TFPT: variants seen among roughly 807,000 people sequenced by gnomAD.
The protein encoded by TFPT is TCF3 fusion partner.
In TFPT, 27 loss-of-function variants were observed where a neutral mutation model predicts 28.8. The ratio of observed to expected loss-of-function variants is 0.94; its 90% CI spans 0.69 to 1.29. The LOEUF is 1.29. Among genes scored for constraint, TFPT ranks in the 50% most tolerant of loss-of-function variants. The pLI is 0.00. For synonymous variants in TFPT, 152 were observed against 142.8 expected (o/e 1.06, Z -0.46); for missense variants, 330 against 338.0 (o/e 0.98, Z 0.19).
chr19:54,113,999 T>TTC (rs2073534239), intron 2 of TFPT, among the ~76,000 whole-genome samples: 1 of 152,208 alleles, frequency 6.6e-6, no homozygotes, highest in Non-Finnish European at 1.5e-5. Context: ...CCCATCCTTA[T>TTC]TCTCAGCAAG....
chr19:54,110,201 C>T, intron 2 of TFPT, 80 bp from the exon 3 acceptor site: 2 of 1,480,580 alleles, frequency 1.4e-6, no homozygotes, highest in Non-Finnish European at 1.9e-6. Flanking sequence ...GGGGCACGCA[C>T]TAAACTCTGG....
chr19:54,108,413 C>G lies in TFPT; in HGVS notation c.354-18G>C, dbSNP rs1356263911. On this transcript the variant is annotated intron_variant, in intron 3 of 5. Transcript: ENST00000391759. Reference sequence around the variant, plus strand: ...TGAGGAACCTGCTCAGGGGGAGAAGCCACCAACGGAATAACTTATCTCCTA... The same window carrying G: ...TGAGGAACCTGCTCAGGGGGAGAAGGCACCAACGGAATAACTTATCTCCTA... 2 of 1,613,894 alleles carry G rather than the reference C, an allele frequency of 1.2e-6. No homozygotes were observed. Among genetic ancestry groups the G allele is most frequent in the South Asian group, 1.1e-5 (1 of 91,068 alleles).
At chr19:54,107,438 G>A (rs1305010848) in intron 5 of TFPT, 2 of 475,470 alleles carry the variant, frequency 4.2e-6, no homozygotes, top group African/African-American at 2.0e-5. Context: ...TGGTAGAGAT[G>A]GGGTCTCAGT....
chr19:54,114,698 G>T lies in TFPT; in HGVS notation c.26C>A (p.Thr9Asn). 6.2e-7 allele frequency: 1 copy of T among 1,611,678 alleles called. No individual in the cohort carries two copies. MELEQREGTMAAVGFEEFS... is the reference protein window; with the variant it reads MELEQREGNMAAVGFEEFS... ...CTCCTCAAAGCCCACGGCTGCCATG[G>T]TCCTGAGAGGCAGGGAAAGGCTCAG... The change falls in exon 2 of 6, where the codon ACC becomes AAC. Residue 9 changes from threonine (T) to asparagine (N), a missense_variant and splice_region_variant. Physicochemically the swap from Thr to Asn is moderately conservative, Grantham distance 65 (BLOSUM62 0). Transcript: ENST00000391759.
At chr19:54,107,822 C>G (rs587644545) in intron 5 of TFPT, among the ~76,000 whole-genome samples, 85 of 152,296 alleles carry the variant, frequency 5.6e-4, no homozygotes, top group Non-Finnish European at 1.1e-3. Flanking sequence ...CTGCCTGATC[C>G]TAGGCCTCCA....
At chr19:54,107,240 TG>T in intron 5 of TFPT, 71 bp from the exon 6 acceptor site, 1 of 1,570,910 alleles carries the variant, frequency 6.4e-7, no homozygotes. Flanking sequence ...TCACCATTTT[TG>T]TTTTCATTTT....
At chr19:54,115,217 G>A in intron 1 of TFPT, 30 bp downstream of exon 1, 1 of 1,614,022 alleles carries the variant, frequency 6.2e-7, no homozygotes. Flanking sequence ...TCTGGGATTC[G>A]CACTTTTTCA....
intron 5 of TFPT, 66 bp from the exon 6 acceptor site, chr19:54,107,235 A>T: frequency 6.4e-7 from 1 of 1,573,666 alleles, no homozygotes. Context: ...CAGCTTCACC[A>T]TTTTTGTTTT....
At chr19:54,108,984 T>C in intron 3 of TFPT, 1 of 178,914 alleles carries the variant, frequency 5.6e-6, no homozygotes. Context: ...AACCTCCACC[T>C]CCCTGGTACC....
At position 54,115,458 on chromosome 19, in the gene TFPT, G is replaced by A; in HGVS notation, c.-189C>T. On this transcript the variant is annotated 5_prime_UTR_variant, in exon 1 of 6. Transcript: ENST00000391759. Reference sequence around the variant, plus strand: ...TTCGGCCCACCCCCACGTCCACCCCGAATCCCTGCTTAAAGGCCTTGCTTT... The same window carrying A: ...TTCGGCCCACCCCCACGTCCACCCCAAATCCCTGCTTAAAGGCCTTGCTTT... 1 of 697,252 alleles carries A rather than the reference G, an allele frequency of 1.4e-6. No individual in the cohort carries two copies. Among genetic ancestry groups the A allele is most frequent in the Non-Finnish European group, 2.4e-6 (1 of 415,324 alleles). The allele number at this position is 697,252 out of a possible 1,614,324, so 43.2% of individuals were successfully genotyped here. A position where few individuals can be genotyped will look rare whatever the true frequency, so the allele number is the denominator to read the frequency against.
rs773133838 is a variant in TFPT at position 54,108,035 on chromosome 19, G to A, written c.633C>T (p.Ala211=). 20 of 1,519,208 alleles carry A rather than the reference G, an allele frequency of 1.3e-5. No homozygotes were observed. Among genetic ancestry groups the A allele is most frequent in the Non-Finnish European group, 1.7e-5 (19 of 1,134,574 alleles). The allele number at this position is 1,519,208 out of a possible 1,614,324, so 94.1% of individuals were successfully genotyped here. ...RAGNALTPEL[A]PVQIKVEEDF... is the part of the protein sequence containing the mutation. The stretch of plus-strand genomic sequence containing the variant: ...TTCCCGCCTTCCTCACCTGCACCGG[G>A]GCCAGCTCTGGAGTCAGCGCATTTC... The change falls in exon 5 of 6, where the codon GCC becomes GCT. Residue 211 remains alanine (A), a synonymous_variant. Coordinates refer to ENST00000391759, the MANE Select transcript of TFPT (RefSeq NM_013342.4).
At chr19:54,112,124 C>A (rs2073473124) in intron 2 of TFPT, among the ~76,000 whole-genome samples, 1 of 151,574 alleles carries the variant, frequency 6.6e-6, no homozygotes, top group South Asian at 2.1e-4. Context: ...AAAAAATTAG[C>A]TGGGCTTGGT....
At chr19:54,112,987 G>A (rs1568571978) in intron 2 of TFPT, among the ~76,000 whole-genome samples, 1 of 149,858 alleles carries the variant, frequency 6.7e-6, no homozygotes. Context: ...CAGCTACTAG[G>A]GAGGCTGAGT....
In TFPT at chr19:54,108,182, C is replaced by G; in HGVS notation, c.486G>C (p.Glu162Asp). 1 of 1,596,166 alleles carries G rather than the reference C, an allele frequency of 6.3e-7. No homozygotes were observed. The highest frequency in any genetic ancestry group is 2.2e-5 in the East Asian group (1 of 44,636). ...TPGNAENEPP[E>D]KETLSPPRRT... is the part of the protein sequence containing the mutation. ...TTCTGGGCGGGGACAGTGTCTCTTT[C>G]TCTGGAGGCTCATTCTCCGCATTGC... Residue 162 changes from glutamate to aspartate, a missense_variant, in exon 5 of 6, where the codon GAG becomes GAC. Physicochemically the swap from Glu to Asp is conservative, Grantham distance 45. Transcript: ENST00000391759.
At chr19:54,108,735 T>G in intron 3 of TFPT, 1 of 855,026 alleles carries the variant, frequency 1.2e-6, no homozygotes, top group South Asian at 1.8e-5. Context: ...ATGTGAGTTA[T>G]AATTTTTATT....
chr19:54,113,167 A>T (rs2073503948), intron 2 of TFPT, among the ~76,000 whole-genome samples: 1 of 151,246 alleles, frequency 6.6e-6, no homozygotes, highest in Non-Finnish European at 1.5e-5. Context: ...TTTAACCCCC[A>T]GTACCTCAGG....
In TFPT at chr19:54,111,508, A is replaced by G. The variant is rs1315888784; in HGVS notation, c.283-1387T>C. Among the ~76,000 whole-genome samples, 108 of 151,536 alleles carry G rather than the reference A, an allele frequency of 7.1e-4. 1 individual carries two copies. Among genetic ancestry groups the G allele is most frequent in the African/African-American group, 2.2e-3 (91 of 41,396 alleles). ...GACCTCATCTCTACTAAAAAAAAAA[A>G]AAAAAAAAGAAAAATACAAAAATTA... On this transcript the variant is annotated intron_variant, in intron 2 of 5. Coordinates refer to ENST00000391759, the MANE Select transcript of TFPT (RefSeq NM_013342.4).
intron 4 of TFPT, 23 bp downstream of exon 4, chr19:54,108,303 C>T (rs1412121711): frequency 1.9e-6 from 3 of 1,587,162 alleles, no homozygotes; most frequent in South Asian, 2.3e-5. Context: ...AGTTCCTGAC[C>T]CTCCTGGAGG....
chr19:54,109,649 T>C (rs1352461229), intron 3 of TFPT, among the ~76,000 whole-genome samples: 1 of 152,140 alleles, frequency 6.6e-6, no homozygotes, highest in Non-Finnish European at 1.5e-5. Flanking sequence ...ATGATATTGG[T>C]GCTGCCCTTA....
Sources: gnomAD v4.1 joint callset for allele counts (sites outside exome capture counted in the v4.1 genomes callset) on GRCh38, gnomAD v4.1.1 for gene constraint, MANE v1.5 for transcripts, NCBI Gene and HGNC (gene_info 2026-07-23, HGNC 2026-07-21) for gene names.